The following UVRAG variants were observed in gnomAD, a reference collection of about 807,000 sequenced individuals.
The protein encoded by UVRAG is UV radiation resistance associated.
In UVRAG, 19 loss-of-function variants were observed where a neutral mutation model predicts 78.0. The ratio of observed to expected loss-of-function variants is 0.24; its 90% CI spans 0.17 to 0.36. The LOEUF (loss-of-function observed/expected upper bound fraction) is 0.36, where lower values mean the gene tolerates loss of function less well. UVRAG is among the 10% of genes least tolerant of loss of function. The pLI is 1.00. For missense variants in UVRAG, 740 were observed against 853.8 expected (o/e 0.87, Z 1.66); for synonymous variants, 323 against 324.6 (o/e 1.00, Z 0.05).
intron 1 of UVRAG, among the ~76,000 whole-genome samples, chr11:75,828,764 T>TATAC (rs1945583957): frequency 8.9e-6 from 1 of 112,746 alleles, no homozygotes; most frequent in Non-Finnish European, 1.7e-5. Context: ...CATATATATA[T>TATAC]ATATATATAT....
intron 13 of UVRAG, among the ~76,000 whole-genome samples, chr11:76,081,214 CTT>C (rs1305350101): frequency 1.4e-5 from 2 of 146,666 alleles, no homozygotes. Context: ...CAGTCTCTCT[CTT>C]TTTTTTTTTG....
chr11:75,967,794 G>A (rs545143613), intron 7 of UVRAG, among the ~76,000 whole-genome samples: 4 of 152,154 alleles, frequency 2.6e-5, no homozygotes, highest in Middle Eastern at 3.2e-3. Flanking sequence ...TTGCAATATC[G>A]TAAGTCTCGC....
chr11:76,022,682 G>A lies in UVRAG; in HGVS notation c.1226+5702G>A, dbSNP rs551645850. Among the ~76,000 whole-genome samples, 6 of 152,160 alleles carry A rather than the reference G, an allele frequency of 3.9e-5. No homozygotes were observed. The East Asian group carries it at 1.2e-3, about 29-fold the overall frequency. ...TATCTAGAATAAGTCTCTTGAAGAT[G>A]GCATATAGTTGGAGCATGCCTTTTA... On this transcript the variant is annotated intron_variant, in intron 12 of 14. Coordinates refer to ENST00000356136, the MANE Select transcript of UVRAG (RefSeq NM_003369.4).
In UVRAG at chr11:76,042,170, A is replaced by G. The variant is rs897087038; in HGVS notation, c.1227-23540A>G. On this transcript the variant is annotated intron_variant, in intron 12 of 14. Transcript: ENST00000356136. ...CAACCTAAATCCCCTTTAGTAAGGG[A>G]GTGGAGAAATAAAATATTGAACATC... Among the ~76,000 whole-genome samples, 63 of 152,228 alleles carry G rather than the reference A, an allele frequency of 4.1e-4. 1 individual carries two copies. Among genetic ancestry groups the G allele is most frequent in the African/African-American group, 1.4e-3 (57 of 41,456 alleles).
chr11:75,993,909 G>C (rs1235939280), intron 8 of UVRAG, among the ~76,000 whole-genome samples: 5 of 152,100 alleles, frequency 3.3e-5, no homozygotes, highest in Non-Finnish European at 5.9e-5. Flanking sequence ...GTGGAAGTGA[G>C]GGGGGTGGGG....
At chr11:76,078,512 G>C (rs1951439991) in intron 13 of UVRAG, among the ~76,000 whole-genome samples, 1 of 151,408 alleles carries the variant, frequency 6.6e-6, no homozygotes, top group African/African-American at 2.4e-5. Context: ...AAATTATTTA[G>C]GTAGATGCAA....
intron 12 of UVRAG, among the ~76,000 whole-genome samples, chr11:76,037,908 C>T (rs572311485): frequency 2.0e-5 from 3 of 152,198 alleles, no homozygotes; most frequent in African/African-American, 7.2e-5. Flanking sequence ...AGTCGGCCCT[C>T]TCAATCTGCA....
rs141332170 is a variant in UVRAG, at chr11:76,038,471, T to C, written c.1226+21491T>C. Among the ~76,000 whole-genome samples the C allele has an allele frequency of 9.2e-4, 140 of 152,358 alleles. 2 individuals are homozygous for C. In the East Asian group the frequency reaches 0.025, roughly 27 times the overall value. ...TAAGTAATTTAGAGATAATTTGAAGTATACAGGACTTATGTACATAAGTTA... is the reference window on the plus strand; with the variant it reads ...TAAGTAATTTAGAGATAATTTGAAGCATACAGGACTTATGTACATAAGTTA... On this transcript the variant is annotated intron_variant, in intron 12 of 14. Coordinates refer to ENST00000356136, the MANE Select transcript of UVRAG (RefSeq NM_003369.4).
In UVRAG at chr11:75,833,671, A is replaced by G. The variant is rs142579945; in HGVS notation, c.117+18147A>G. 6.2e-3 allele frequency among the ~76,000 whole-genome samples: 940 copies of G among 152,298 alleles called. 17 individuals are homozygous for G. The highest frequency in any genetic ancestry group is 0.021 in the African/African-American group (892 of 41,560). ...GGAGCCTCGGAACAGAGATTTACCC[A>G]CGTATTTATTAACAGCAAGCCAGTG... On this transcript the variant is annotated intron_variant, in intron 1 of 14. Coordinates refer to ENST00000356136, the MANE Select transcript of UVRAG (RefSeq NM_003369.4).
intron 12 of UVRAG, among the ~76,000 whole-genome samples, chr11:76,022,545 A>T (rs1204554463): frequency 6.6e-6 from 1 of 152,164 alleles, no homozygotes; most frequent in Admixed American, 6.5e-5. Context: ...GCCTCTTATA[A>T]CAACTTTTGA....
chr11:75,962,186 A>G (rs1948923057), intron 7 of UVRAG, among the ~76,000 whole-genome samples: 1 of 152,014 alleles, frequency 6.6e-6, no homozygotes. Flanking sequence ...CTTTTGAGGA[A>G]CTTTGTGCTG....
intron 13 of UVRAG, among the ~76,000 whole-genome samples, chr11:76,095,741 C>T (rs1161073878): frequency 6.6e-6 from 1 of 151,248 alleles, no homozygotes; most frequent in Non-Finnish European, 1.5e-5. Flanking sequence ...CATGGTGGTG[C>T]CCACCTGTAG....
At chr11:75,957,617 C>T (rs1394219659) in intron 6 of UVRAG, among the ~76,000 whole-genome samples, 1 of 152,062 alleles carries the variant, frequency 6.6e-6, no homozygotes, top group Non-Finnish European at 1.5e-5. Context: ...AAGCTATTTA[C>T]CCATTTGGGA....
At chr11:75,896,418 G>A (rs1044545465) in intron 5 of UVRAG, among the ~76,000 whole-genome samples, 3 of 152,098 alleles carry the variant, frequency 2.0e-5, no homozygotes, top group Non-Finnish European at 2.9e-5. Flanking sequence ...GTGACCACTC[G>A]TCTTTTGTGG....
intron 1 of UVRAG, among the ~76,000 whole-genome samples, chr11:75,819,598 G>A (rs986431971): frequency 4.6e-5 from 7 of 152,010 alleles, no homozygotes; most frequent in Admixed American, 3.9e-4. Context: ...CGCCTGCCTT[G>A]GCCTCCCAAA....
intron 6 of UVRAG, among the ~76,000 whole-genome samples, chr11:75,923,664 A>G (rs1163209893): frequency 6.6e-6 from 1 of 152,184 alleles, no homozygotes; most frequent in African/African-American, 2.4e-5. Context: ...TGCATTTTAT[A>G]AGGGTAAATC....
At chr11:75,903,610 T>C (rs1429234655) in intron 5 of UVRAG, among the ~76,000 whole-genome samples, 1 of 152,196 alleles carries the variant, frequency 6.6e-6, no homozygotes, top group East Asian at 1.9e-4. Context: ...TCCCAAATAC[T>C]GCCACCCCTG....
intron 13 of UVRAG, among the ~76,000 whole-genome samples, chr11:76,076,802 G>GTATTTATTTATTTATT (rs140240744): frequency 0.025 from 3,629 of 147,598 alleles, 84 homozygotes; most frequent in African/African-American, 0.058. Flanking sequence ...AAATTAGGTT[G>GTATTTATTTATTTATT]TATTTATTTA....
At chr11:75,984,842 C>A (rs1949465740) in intron 8 of UVRAG, among the ~76,000 whole-genome samples, 3 of 152,104 alleles carry the variant, frequency 2.0e-5, no homozygotes, top group Non-Finnish European at 4.4e-5. Flanking sequence ...AAATAGTATT[C>A]CATTATATAA....
Sources: gnomAD v4.1 joint callset for allele counts (sites outside exome capture counted in the v4.1 genomes callset) on GRCh38, gnomAD v4.1.1 for gene constraint, MANE v1.5 for transcripts, NCBI Gene and HGNC (gene_info 2026-07-23, HGNC 2026-07-21) for gene names.